The following MPRIP variants were observed in gnomAD, a reference collection of about 807,000 sequenced individuals.
The protein encoded by MPRIP is myosin phosphatase Rho-interacting protein.
A neutral mutation model predicts 234.9 loss-of-function variants in MPRIP; 59 were observed. The ratio of observed to expected loss-of-function variants is 0.25; its 90% CI spans 0.20 to 0.31. The LOEUF is 0.31. Among genes scored for constraint, MPRIP ranks in the 10% least tolerant of loss-of-function variants. The probability of loss-of-function intolerance (pLI) is 1.00; values close to 1 mark genes in which losing one functional copy is unlikely to be tolerated. For missense variants in MPRIP, 2,436 were observed against 3,071.0 expected (o/e 0.79, Z 4.89); for synonymous variants, 1,144 against 1,263.9 (o/e 0.91, Z 2.01).
intron 16 of MPRIP, chr17:17,168,410 C>T (rs560470509): frequency 6.7e-5 from 17 of 252,408 alleles, no homozygotes; most frequent in African/African-American, 2.5e-4. Context: ...AGAGCACAGT[C>T]GGGCGGAGGG....
chr17:17,043,106 C>A, intron 1 of MPRIP, 135 bp downstream of exon 1: 1 of 825,398 alleles, frequency 1.2e-6, no homozygotes, highest in Non-Finnish European at 1.9e-6. Flanking sequence ...GGGACGGGGA[C>A]GGGAAGTGCA....
At position 17,192,188 on chromosome 17, in the gene MPRIP, G is replaced by C. The variant is rs991938371; in HGVS notation, c.*7294G>C. ...TCTCACAAACGTTCTGTCACATGAT[G>C]AAAAGAAGCAGCTTGTATAATTCCA... On this transcript the variant is annotated 3_prime_UTR_variant, in exon 24 of 24. Coordinates refer to ENST00000651222, the MANE Select transcript of MPRIP (RefSeq NM_001364716.4). 6.6e-6 allele frequency: 1 copy of C among 152,220 alleles called. No homozygotes were observed. The highest frequency in any genetic ancestry group is 2.4e-5 in the African/African-American group (1 of 41,460). The allele number at this position is 152,220 out of a possible 1,614,324, so 9.4% of individuals were successfully genotyped here.
At chr17:17,082,111 G>A (rs1462279177) in intron 3 of MPRIP, among the ~76,000 whole-genome samples, 1 of 151,934 alleles carries the variant, frequency 6.6e-6, no homozygotes, top group Non-Finnish European at 1.5e-5. Context: ...GACTGATGTC[G>A]AGCTGAGGTG....
intron 3 of MPRIP, among the ~76,000 whole-genome samples, chr17:17,080,314 A>G (rs1465437550): frequency 6.6e-6 from 1 of 152,256 alleles, no homozygotes; most frequent in Non-Finnish European, 1.5e-5. Flanking sequence ...TTTGCTCCTC[A>G]GAGCCACTCC....
Position 17,165,930 on chromosome 17 carries a change from C to G in MPRIP, c.4339C>G (p.Leu1447Val), listed in dbSNP as rs1246775435. 7.7e-7 allele frequency: 1 copy of G among 1,304,132 alleles called. No individual in the cohort carries two copies. Among genetic ancestry groups the G allele is most frequent in the Non-Finnish European group, 1.0e-6 (1 of 988,862 alleles). The allele number at this position is 1,304,132 out of a possible 1,614,324, so 80.8% of individuals were successfully genotyped here. Reference protein sequence around the residue: ...LLQVGALASQLEQERQERARR... With the variant: ...LLQVGALASQVEQERQERARR... ...CCAGGTTGGCGCACTGGCCTCCCAG[C>G]TGGAGCAGGAGAGGCAGGAGAGGGC... The change falls in exon 16 of 24, where the codon CTG becomes GTG. Residue 1447 changes from leucine to valine, a missense_variant. Transcript: ENST00000651222.
intron 10 of MPRIP, among the ~76,000 whole-genome samples, chr17:17,146,975 G>A (rs560965176): frequency 3.3e-5 from 5 of 152,330 alleles, no homozygotes; most frequent in African/African-American, 1.2e-4. Context: ...GTTCTGATGG[G>A]CCCAGCCTGT....
intron 3 of MPRIP, among the ~76,000 whole-genome samples, chr17:17,091,519 C>T (rs2089717035): frequency 6.6e-6 from 1 of 152,202 alleles, no homozygotes; most frequent in African/African-American, 2.4e-5. Flanking sequence ...AGCAGATGCT[C>T]TCGTGCGTAT....
intron 20 of MPRIP, among the ~76,000 whole-genome samples, 182 bp from the exon 21 acceptor site, chr17:17,176,244 G>C (rs951009605): frequency 6.6e-6 from 1 of 152,152 alleles, no homozygotes; most frequent in Non-Finnish European, 1.5e-5. Flanking sequence ...TCCTCTTCCT[G>C]TTTCTGTATG....
rs1338927346 is a variant in MPRIP, at chr17:17,047,552, T to C, written c.123+4581T>C. Among the ~76,000 whole-genome samples, 3 of 152,226 alleles carry C rather than the reference T, an allele frequency of 2.0e-5. No individual in the cohort carries two copies. In the East Asian group the frequency reaches 5.8e-4, roughly 29 times the overall value. ...TAATTCTGGTTAAAGGCAGAAGATC[T>C]ACTGGAGGCTATTAAACTGGGTAAA... On this transcript the variant is annotated intron_variant, in intron 1 of 23. Transcript: ENST00000651222.
At chr17:17,159,749 A>C (rs1027375004) in intron 14 of MPRIP, among the ~76,000 whole-genome samples, 16 of 151,724 alleles carry the variant, frequency 1.1e-4, no homozygotes, top group South Asian at 4.2e-4. Flanking sequence ...TTTTTGTAGA[A>C]CTCCCTGTTT....
intron 1 of MPRIP, among the ~76,000 whole-genome samples, chr17:17,057,382 A>T (rs2088732823): frequency 6.6e-6 from 1 of 152,230 alleles, no homozygotes; most frequent in Non-Finnish European, 1.5e-5. Flanking sequence ...CCTGAAGATC[A>T]TCTGACTGCC....
In MPRIP at chr17:17,166,035, T is replaced by C. The variant is rs1164362654; in HGVS notation, c.4444T>C (p.Cys1482Arg). 1.5e-6 allele frequency: 2 copies of C among 1,303,834 alleles called. No homozygotes were observed. The highest frequency in any genetic ancestry group is 1.2e-5 in the South Asian group (1 of 80,940). 80.8% of individuals were successfully genotyped at this position (1,303,834 alleles called of 1,614,324 possible). The change falls in exon 16 of 24, where the codon TGC (cysteine) becomes CGC (arginine). Residue 1482 changes from cysteine to arginine, a missense_variant. Coordinates refer to ENST00000651222, the MANE Select transcript of MPRIP (RefSeq NM_001364716.4). The surrounding 1 kb of genome is among the most constrained non-coding windows in gnomAD (Gnocchi z 4.4). ...NSQALMCLEN[C>R]REQLRSLPRA... ...TCAGGCCCTGATGTGCCTGGAAAAT[T>C]GCCGAGAACAACTGAGATCTCTGCC...
Position 17,147,370 on chromosome 17 carries a change from G to A in MPRIP, c.1612G>A (p.Asp538Asn). ...CGATCAAAGCCTGAGATACTACAGG[G>A]ATTCAGTGGCTGAGGAGGTGAGTGT... The part of the protein sequence containing the change: ...LADQSLRYYR[D>N]SVAEEAADLD... Residue 538 changes from aspartate (D) to asparagine (N), a missense_variant, in exon 11 of 24, where the codon GAT becomes AAT. By Grantham distance (23) the Asp-to-Asn change is conservative. Transcript: ENST00000651222. 6.2e-7 allele frequency: 1 copy of A among 1,614,190 alleles called. No individual in the cohort carries two copies. The highest frequency in any genetic ancestry group is 8.5e-7 in the Non-Finnish European group (1 of 1,180,022).
rs1597513179 is a variant in MPRIP, at chr17:17,175,198, C to T, written c.6751-95C>T. ...TCCTGCCTACGCAGTTCCACAGATA[C>T]ACAAAGAACCTAGGGAAATGGCCTT... On this transcript the variant is annotated intron_variant, in intron 19 of 23. Coordinates refer to ENST00000651222, the MANE Select transcript of MPRIP (RefSeq NM_001364716.4). The T allele has an allele frequency of 4.4e-6, 7 of 1,577,442 alleles. No individual in the cohort carries two copies. In the East Asian group the frequency reaches 1.3e-4, roughly 30 times the overall value.
intron 23 of MPRIP, 95 bp from the exon 24 acceptor site, chr17:17,184,728 C>A: frequency 1.1e-6 from 1 of 894,222 alleles, no homozygotes; most frequent in Non-Finnish European, 1.8e-6. Context: ...CTGACTGATG[C>A]CGGCTCCACC....
chr17:17,089,277 T>C (rs2089660069), intron 3 of MPRIP, among the ~76,000 whole-genome samples: 1 of 152,204 alleles, frequency 6.6e-6, no homozygotes, highest in South Asian at 2.1e-4. Context: ...GCAGGGCAGC[T>C]TCCTTCTGAG....
chr17:17,152,522 AAGGCTTCCTGGGGG>A (rs1597468170), intron 12 of MPRIP, among the ~76,000 whole-genome samples: 1 of 152,176 alleles, frequency 6.6e-6, no homozygotes, highest in African/African-American at 2.4e-5. Context: ...CAGTGTGGAG[AAGGCTTCCTGGGGG>A]AGGCTTCCTG....
chr17:17,148,590 A>G (rs1442239101), intron 11 of MPRIP, among the ~76,000 whole-genome samples: 1 of 152,204 alleles, frequency 6.6e-6, no homozygotes, highest in Non-Finnish European at 1.5e-5. Context: ...TTAAATGCCC[A>G]TCTTTTTAAT....
At chr17:17,043,019 G>C in intron 1 of MPRIP, 48 bp downstream of exon 1, 2 of 1,583,966 alleles carry the variant, frequency 1.3e-6, no homozygotes, top group Non-Finnish European at 1.7e-6. Context: ...GGAGCCGCGG[G>C]TCGGCGGCCG....
Sources: gnomAD v4.1 joint callset for allele counts (sites outside exome capture counted in the v4.1 genomes callset) on GRCh38, gnomAD v4.1.1 for gene constraint, Gnocchi (gnomAD v3.1) non-coding constraint, MANE v1.5 for transcripts, NCBI Gene and HGNC (gene_info 2026-07-23, HGNC 2026-07-21) for gene names.